Variants in PILRB observed in about 807,000 individuals in gnomAD.
PILRB encodes paired immunoglobulin-like type 2 receptor beta.
In PILRB, 21 loss-of-function variants were observed where a neutral mutation model predicts 20.5. The ratio of observed to expected loss-of-function variants is 1.02; its 90% CI spans 0.72 to 1.47. The LOEUF (loss-of-function observed/expected upper bound fraction) is 1.47, where lower values mean the gene tolerates loss of function less well. Among genes scored for constraint, PILRB ranks in the 40% most tolerant of loss-of-function variants. The pLI is 0.00. For synonymous variants in PILRB, 133 were observed against 115.1 expected, an observed-to-expected ratio of 1.16 and a Z score of -0.99; for missense variants, 253 against 272.1, an observed-to-expected ratio of 0.93 and a Z score of 0.49.
At chr7:100,360,291 G>A (rs1381349996) in intron 3 of PILRB, among the ~76,000 whole-genome samples, 1 of 152,216 alleles carries the variant, frequency 6.6e-6, no homozygotes, top group Non-Finnish European at 1.5e-5. Context: ...CAGGGAACTG[G>A]GGGTGTGGAG....
intron 3 of PILRB, among the ~76,000 whole-genome samples, chr7:100,366,915 G>C (rs1448457477): frequency 4.0e-5 from 6 of 151,854 alleles, no homozygotes; most frequent in Admixed American, 3.9e-4. Context: ...AGAACAGGTC[G>C]GGGGGGAGCC....
intron 3 of PILRB, among the ~76,000 whole-genome samples, chr7:100,362,539 C>T (rs990408124): frequency 2.6e-5 from 4 of 151,654 alleles, no homozygotes; most frequent in African/African-American, 7.3e-5. Context: ...GATGGAGCCT[C>T]GCTCTGTTGC....
intron 3 of PILRB, among the ~76,000 whole-genome samples, chr7:100,366,794 A>G (rs917404766): frequency 6.6e-6 from 1 of 152,088 alleles, no homozygotes; most frequent in East Asian, 1.9e-4. Context: ...GCTCAGCGAT[A>G]GAGGGAGCCA....
In PILRB at chr7:100,359,533, G is replaced by A; in HGVS notation, c.651G>A (p.Arg217=). The change falls in exon 3 of 4, where the codon AGG becomes AGA. Residue 217 remains arginine, a synonymous_variant. Coordinates refer to ENST00000609309, the MANE Select transcript of PILRB (RefSeq NM_178238.4). ...TCCTCCTCCTGTGGTGGAGGAGAAG[G>A]AAAGGTAAGTGCCCAGAACGCACTG... The part of the protein sequence containing the change: ...LCLLLLWWRR[R]KGSRAPSSDF 1.2e-6 allele frequency: 2 copies of A among 1,613,818 alleles called. No homozygotes were observed. The highest frequency in any genetic ancestry group is 2.2e-5 in the East Asian group (1 of 44,890).
At chr7:100,361,454 G>A (rs1790524013) in intron 3 of PILRB, among the ~76,000 whole-genome samples, 1 of 152,180 alleles carries the variant, frequency 6.6e-6, no homozygotes, top group African/African-American at 2.4e-5. Flanking sequence ...CACCTTGGGA[G>A]GCCAAGGCGG....
rs1554451705 is a variant in PILRB at position 100,367,216 on chromosome 7, C to CA, written c.656-132dup. 24 of 842,516 alleles carry CA rather than the reference C, an allele frequency of 2.8e-5. No homozygotes were observed. In the South Asian group the frequency reaches 3.1e-4, roughly 11 times the overall value. The allele number at this position is 842,516 out of a possible 1,614,324, so 52.2% of individuals were successfully genotyped here. On this transcript the variant is annotated intron_variant, in intron 3 of 3. Transcript: ENST00000609309. ...TCAGGGACTGTGCTGCTAAGAACCCCACAAGCCCAGCCTGCCACAAATTCT... is the reference window on the plus strand; with the variant it reads ...TCAGGGACTGTGCTGCTAAGAACCCCAACAAGCCCAGCCTGCCACAAATTCT...
Position 100,358,911 on chromosome 7 carries a change from C to A in PILRB, c.286C>A (p.Arg96=). The A allele has an allele frequency of 6.2e-7, 1 of 1,614,154 alleles. No homozygotes were observed. The highest frequency in any genetic ancestry group is 8.5e-7 in the Non-Finnish European group (1 of 1,180,022). The part of the protein sequence containing the change: ...PPSIHKDYVN[R]LFLNWTEGQE... ...TTCCATTCACAAGGATTATGTGAACCGGCTCTTTCTGAACTGGACAGAGGG... is the reference window on the plus strand; with the variant it reads ...TTCCATTCACAAGGATTATGTGAACAGGCTCTTTCTGAACTGGACAGAGGG... Residue 96 remains arginine (R), a synonymous_variant, in exon 2 of 4, where the codon CGG becomes AGG. Transcript: ENST00000609309.
intron 3 of PILRB, among the ~76,000 whole-genome samples, chr7:100,361,069 G>A (rs1278371304): frequency 6.6e-6 from 1 of 152,092 alleles, no homozygotes; most frequent in Non-Finnish European, 1.5e-5. Flanking sequence ...CTGAGTAGCT[G>A]GGACTACAGG....
rs1273986359 is a variant in PILRB at position 100,359,010 on chromosome 7, C to T, written c.385C>T (p.Leu129=). The change falls in exon 2 of 4, where the codon CTG becomes TTG. Residue 129 remains leucine, a synonymous_variant. Transcript: ENST00000609309. ...GTCTGTGTATTTCTGCCGAGTCGAG[C>T]TGGACACCCGGAGATCAGGGAGGCA... ...DQSVYFCRVE[L]DTRRSGRQQL... 5 of 1,614,140 alleles carry T rather than the reference C, an allele frequency of 3.1e-6. No individual in the cohort carries two copies. The South Asian group carries it at 4.4e-5, about 14-fold the overall frequency.
At chr7:100,367,204 T>C (rs1333688157) in intron 3 of PILRB, 145 bp from the exon 4 acceptor site, 3 of 875,084 alleles carry the variant, frequency 3.4e-6, no homozygotes, top group Non-Finnish European at 5.9e-6. Flanking sequence ...GGGACTGTGC[T>C]GCTAAGAACC....
At chr7:100,363,341 T>G (rs149063889) in intron 3 of PILRB, among the ~76,000 whole-genome samples, 1 of 152,244 alleles carries the variant, frequency 6.6e-6, no homozygotes, top group African/African-American at 2.4e-5. Flanking sequence ...GAAACCAATT[T>G]AACATGCAAG....
chr7:100,366,793 T>C (rs1445642587), intron 3 of PILRB, among the ~76,000 whole-genome samples: 7 of 151,508 alleles, frequency 4.6e-5, no homozygotes, highest in Non-Finnish European at 1.0e-4. Flanking sequence ...GGCTCAGCGA[T>C]AGAGGGAGCC....
At position 100,367,448 on chromosome 7, in the gene PILRB, C is replaced by A; in HGVS notation, c.*71C>A. 1.3e-6 allele frequency: 1 copy of A among 772,570 alleles called. No homozygotes were observed. The highest frequency in any genetic ancestry group is 2.4e-6 in the Non-Finnish European group (1 of 411,086). 47.9% of individuals were successfully genotyped at this position (772,570 alleles called of 1,614,324 possible). A position where few individuals can be genotyped will look rare whatever the true frequency, so the allele number is the denominator to read the frequency against. On this transcript the variant is annotated 3_prime_UTR_variant, in exon 4 of 4. Coordinates refer to ENST00000609309, the MANE Select transcript of PILRB (RefSeq NM_178238.4). ...GTGATGTGAGACCCGCTTGTGAGTCCTCCACACTCGTTCCCCATTGGCAAG... is the reference window on the plus strand; with the variant it reads ...GTGATGTGAGACCCGCTTGTGAGTCATCCACACTCGTTCCCCATTGGCAAG...
intron 3 of PILRB, among the ~76,000 whole-genome samples, chr7:100,364,600 T>G (rs115402443): frequency 0.017 from 2,651 of 152,302 alleles, 82 homozygotes; most frequent in African/African-American, 0.057. Context: ...CTGGGGTTAA[T>G]CAGAAGCTGC....
chr7:100,364,573 T>TA (rs1790622141), intron 3 of PILRB, among the ~76,000 whole-genome samples: 3 of 152,210 alleles, frequency 2.0e-5, no homozygotes, highest in Non-Finnish European at 1.5e-5. Flanking sequence ...CTGGAAATCT[T>TA]AGAGGCCTTC....
rs1331481690 is a variant in PILRB at position 100,367,400 on chromosome 7, G to A, written c.*23G>A. On this transcript the variant is annotated 3_prime_UTR_variant, in exon 4 of 4. Coordinates refer to ENST00000609309, the MANE Select transcript of PILRB (RefSeq NM_178238.4). ...TGACCAACAGAGTGTGGGGAGAAGG[G>A]ATGTGTATTAGCCCCGGAGGACGTG... is the stretch of plus-strand genomic sequence containing the variant. 2.6e-6 allele frequency: 2 copies of A among 780,944 alleles called. No homozygotes were observed. The highest frequency in any genetic ancestry group is 1.7e-5 in the Admixed American group (1 of 59,028). The allele number at this position is 780,944 out of a possible 1,614,324, so 48.4% of individuals were successfully genotyped here. A position where few individuals can be genotyped will look rare whatever the true frequency, so the allele number is the denominator to read the frequency against.
intron 3 of PILRB, among the ~76,000 whole-genome samples, chr7:100,366,185 C>T (rs1424546407): frequency 6.6e-6 from 1 of 152,126 alleles, no homozygotes; most frequent in Non-Finnish European, 1.5e-5. Context: ...AACTCCTGAC[C>T]TCAGGTGATC....
Position 100,358,959 on chromosome 7 carries a change from A to T in PILRB, c.334A>T (p.Ile112Phe), listed in dbSNP as rs375748161. Reference protein sequence around the residue: ...TEGQESGFLRISNLRKEDQSV... With the variant: ...TEGQESGFLRFSNLRKEDQSV... Reference sequence around the variant, plus strand: ...GGGTCAGGAGAGCGGCTTCCTCAGGATCTCAAACCTGCGGAAGGAGGACCA... The same window carrying T: ...GGGTCAGGAGAGCGGCTTCCTCAGGTTCTCAAACCTGCGGAAGGAGGACCA... Residue 112 changes from isoleucine (I) to phenylalanine (F), a missense_variant, in exon 2 of 4, where the codon ATC becomes TTC. Coordinates refer to ENST00000609309, the MANE Select transcript of PILRB (RefSeq NM_178238.4). 43 of 1,614,088 alleles carry T rather than the reference A, an allele frequency of 2.7e-5. No homozygotes were observed. The African/African-American group carries it at 5.6e-4, about 21-fold the overall frequency.
rs866205943 is a variant in PILRB, at chr7:100,358,834, C to T, written c.209C>T (p.Ser70Phe). 3.1e-6 allele frequency: 5 copies of T among 1,614,016 alleles called. No homozygotes were observed. Among genetic ancestry groups the T allele is most frequent in the Non-Finnish European group, 4.2e-6 (5 of 1,179,942 alleles). ...ELAIVPNVRI[S>F]WRRGHFHGQS... ...GCCATAGTTCCCAACGTGAGAATAT[C>T]CTGGAGACGGGGCCACTTCCACGGG... Residue 70 changes from serine to phenylalanine, a missense_variant, in exon 2 of 4, where the codon TCC (serine) becomes TTC (phenylalanine). Ser to Phe is a radical substitution (Grantham distance 155). Coordinates refer to ENST00000609309, the MANE Select transcript of PILRB (RefSeq NM_178238.4).
Sources: allele counts gnomAD v4.1 joint callset (sites outside exome capture counted in the v4.1 genomes callset), GRCh38; gene constraint gnomAD v4.1.1; transcripts MANE v1.5; gene names NCBI Gene and HGNC (gene_info 2026-07-23, HGNC 2026-07-21).